The following SRFBP1 variants were observed in gnomAD, a reference collection of about 807,000 sequenced individuals.
The protein encoded by SRFBP1 is serum response factor binding protein 1.
Under a neutral mutation model 45.5 loss-of-function variants are expected in SRFBP1, and 47 were observed. The ratio of observed to expected loss-of-function variants is 1.03; its 90% CI spans 0.82 to 1.32. The LOEUF (loss-of-function observed/expected upper bound fraction) is 1.32, where lower values mean the gene tolerates loss of function less well. Among genes scored for constraint, SRFBP1 ranks in the 40% most tolerant of loss-of-function variants. SRFBP1 has a pLI of 0.00. For synonymous variants in SRFBP1, 203 were observed against 166.3 expected (o/e 1.22, Z -1.70); for missense variants, 621 against 484.6 (o/e 1.28, Z -2.64).
intron 4 of SRFBP1, among the ~76,000 whole-genome samples, chr5:122,001,135 GATGGGA>G (rs1752857274): frequency 6.6e-6 from 1 of 151,902 alleles, no homozygotes; most frequent in Non-Finnish European, 1.5e-5. Context: ...CTCAAAAAGT[GATGGGA>G]TAATTCAAAT....
chr5:122,049,084 G>C (rs1352282694), intron 2 of SRFBP1, among the ~76,000 whole-genome samples: 1 of 151,908 alleles, frequency 6.6e-6, no homozygotes, highest in Non-Finnish European at 1.5e-5. Flanking sequence ...CTTGTCTTCT[G>C]CTAGCTTTTG....
intron 2 of SRFBP1, among the ~76,000 whole-genome samples, chr5:122,069,666 A>G (rs888815421): frequency 1.3e-5 from 2 of 152,096 alleles, no homozygotes; most frequent in Middle Eastern, 3.2e-3. Context: ...TTCAAAATGT[A>G]CTTTGAAGAA....
At chr5:122,006,276 ACT>A (rs1387491070) in intron 4 of SRFBP1, among the ~76,000 whole-genome samples, 1 of 151,210 alleles carries the variant, frequency 6.6e-6, no homozygotes, top group Non-Finnish European at 1.5e-5. Context: ...TCTTATTGGA[ACT>A]CTCTTACATG....
intron 4 of SRFBP1, among the ~76,000 whole-genome samples, chr5:121,999,870 G>C (rs1752819919): frequency 1.3e-5 from 2 of 151,934 alleles, no homozygotes; most frequent in Admixed American, 1.3e-4. Context: ...CATATACTTG[G>C]ATCATGCTTT....
downstream of SRFBP1, chr5:122,077,105 G>A (rs1754660974): frequency 1.3e-6 from 2 of 1,517,370 alleles, no homozygotes; most frequent in South Asian, 1.2e-5. This position sits in a 1 kb window ranked among gnomAD's most constrained non-coding sequence, Gnocchi z 4.9. Context: ...TCGCCCACCG[G>A]GACTGCAGAG....
chr5:122,007,963 C>T lies in SRFBP1; in HGVS notation c.271-11297C>T, dbSNP rs74664197. Among the ~76,000 whole-genome samples the T allele has an allele frequency of 1.0e-3, 154 of 151,996 alleles. 2 individuals carry two copies. In the East Asian group the frequency reaches 0.029, roughly 28 times the overall value. ...GCTTGAAGCCTAGAGTTGTAAGAAC[C>T]ACTTCGGTACTGGGGTCGGTATATA... On this transcript the variant is annotated intron_variant, in intron 4 of 7. Transcript: ENST00000339397.
intron 2 of SRFBP1, among the ~76,000 whole-genome samples, chr5:122,047,196 T>G (rs1050374452): frequency 9.2e-5 from 14 of 152,238 alleles, no homozygotes; most frequent in Admixed American, 7.2e-4. Flanking sequence ...CATTTAAGTC[T>G]TTAATCCATC....
chr5:122,058,862 A>T (rs182225949), intron 2 of SRFBP1, among the ~76,000 whole-genome samples: 41 of 152,176 alleles, frequency 2.7e-4, no homozygotes, highest in African/African-American at 9.9e-4. Context: ...TGAAATGAGC[A>T]TTATTTATTT....
At chr5:121,974,501 A>C (rs1752263362) in intron 2 of SRFBP1, among the ~76,000 whole-genome samples, 1 of 151,860 alleles carries the variant, frequency 6.6e-6, no homozygotes. Context: ...ATACAGGATG[A>C]ATTTTTTTGC....
At chr5:122,000,635 A>G (rs1299451029) in intron 4 of SRFBP1, among the ~76,000 whole-genome samples, 1 of 152,016 alleles carries the variant, frequency 6.6e-6, no homozygotes, top group Non-Finnish European at 1.5e-5. Flanking sequence ...GTCTGCCATA[A>G]TTCTTATCTT....
intron 2 of SRFBP1, among the ~76,000 whole-genome samples, chr5:122,056,065 C>T (rs879279344): frequency 6.6e-6 from 1 of 152,110 alleles, no homozygotes; most frequent in African/African-American, 2.4e-5. Flanking sequence ...AATTAGAGAA[C>T]CTTTCACTCC....
chr5:121,995,537 C>T (rs916927693), intron 4 of SRFBP1, among the ~76,000 whole-genome samples: 4 of 151,998 alleles, frequency 2.6e-5, no homozygotes, highest in African/African-American at 9.7e-5. Context: ...AAATTTATAG[C>T]ACTAAATGCT....
chr5:122,005,416 A>G (rs1411973872), intron 4 of SRFBP1, among the ~76,000 whole-genome samples: 1 of 151,926 alleles, frequency 6.6e-6, no homozygotes, highest in African/African-American at 2.4e-5. Context: ...TCATTGTACA[A>G]TTTTTGATTT....
chr5:121,983,816 C>G (rs1048226552), intron 3 of SRFBP1, among the ~76,000 whole-genome samples: 2 of 151,632 alleles, frequency 1.3e-5, no homozygotes, highest in Non-Finnish European at 3.0e-5. Flanking sequence ...CCAGCAAAAA[C>G]CTGACACTAG....
chr5:121,965,213 T>G (rs1340575881), intron 1 of SRFBP1, among the ~76,000 whole-genome samples: 2 of 152,372 alleles, frequency 1.3e-5, no homozygotes, highest in African/African-American at 4.8e-5. Context: ...ATTTGTCATT[T>G]TTGGCTTTTG....
chr5:121,974,269 G>T lies in SRFBP1; in HGVS notation c.110G>T (p.Arg37Leu), dbSNP rs546211383. ...VIRKLVRSVG[R>L]LKSKKGTEDA... The stretch of plus-strand genomic sequence containing the variant: ...CGAAAACTTGTCAGGAGTGTTGGCC[G>T]ACTGAAGTCAAAAAAGTTAGTCATT... Residue 37 changes from arginine (R) to leucine (L), a missense_variant, in exon 2 of 8, where the codon CGA (arginine) becomes CTA (leucine). Physicochemically the swap from Arg to Leu is moderately radical, Grantham distance 102. Coordinates refer to ENST00000339397, the MANE Select transcript of SRFBP1 (RefSeq NM_152546.3). The T allele has an allele frequency of 1.9e-6, 3 of 1,610,424 alleles. No individual in the cohort carries two copies. In the South Asian group the frequency reaches 3.3e-5, roughly 18 times the overall value.
At chr5:122,039,379 G>T (rs1211638588) in intron 2 of SRFBP1, among the ~76,000 whole-genome samples, 1 of 152,098 alleles carries the variant, frequency 6.6e-6, no homozygotes, top group Non-Finnish European at 1.5e-5. Context: ...TGTATGTTCT[G>T]GGTGTGGTAG....
chr5:121,972,127 G>A (rs1752211894), intron 1 of SRFBP1, among the ~76,000 whole-genome samples: 1 of 151,908 alleles, frequency 6.6e-6, no homozygotes, highest in Non-Finnish European at 1.5e-5. Flanking sequence ...TGCATTAAAA[G>A]GAAGAGAATG....
intron 2 of SRFBP1, among the ~76,000 whole-genome samples, chr5:122,033,736 T>C (rs1753628516): frequency 6.7e-6 from 1 of 149,488 alleles, no homozygotes; most frequent in Admixed American, 6.7e-5. Flanking sequence ...TGGGATTACA[T>C]GTGTGAGCCC....
Sources: allele counts gnomAD v4.1 joint callset (sites outside exome capture counted in the v4.1 genomes callset), GRCh38; gene constraint gnomAD v4.1.1; non-coding constraint Gnocchi (gnomAD v3.1); transcripts MANE v1.5; gene names NCBI Gene and HGNC (gene_info 2026-07-23, HGNC 2026-07-21).